Variants in LRFN5 observed in about 807,000 individuals in gnomAD.
LRFN5 encodes the protein leucine rich repeat and fibronectin type III domain containing 5.
In LRFN5, 24 loss-of-function variants were observed where a neutral mutation model predicts 45.6. The observed-to-expected ratio is 0.53, with a 90% CI of 0.38 to 0.74. The LOEUF is 0.74. Among genes scored for constraint, LRFN5 ranks in the 30% least tolerant of loss-of-function variants. The pLI, the probability that LRFN5 is intolerant of heterozygous loss-of-function variation, is 0.00. For missense variants in LRFN5, 776 were observed against 861.5 expected (o/e 0.90, Z 1.24); for synonymous variants, 340 against 313.8 (o/e 1.08, Z -0.88).
chr14:41,807,389 T>C (rs529970440), intron 2 of LRFN5, among the ~76,000 whole-genome samples: 28 of 152,242 alleles, frequency 1.8e-4, no homozygotes, highest in Middle Eastern at 6.8e-3. Context: ...GCAGATGATA[T>C]GTTATCAGAA....
intron 4 of LRFN5, chr14:41,893,369 A>AG (rs59088832): frequency 0.81 from 790,113 of 981,296 alleles, 318,876 homozygotes; most frequent in East Asian, 0.96. Flanking sequence ...ATCTATAAAC[A>AG]GTTACCATCA....
chr14:41,690,226 C>T (rs973506979), intron 1 of LRFN5, among the ~76,000 whole-genome samples: 30 of 152,038 alleles, frequency 2.0e-4, no homozygotes, highest in Non-Finnish European at 3.7e-4. Flanking sequence ...AAAAAAAGGC[C>T]ATCTCAATAA....
At chr14:41,718,895 G>A (rs907105590) in intron 1 of LRFN5, among the ~76,000 whole-genome samples, 4 of 151,796 alleles carry the variant, frequency 2.6e-5, no homozygotes, top group Non-Finnish European at 5.9e-5. Context: ...GTTAGAAAGA[G>A]GCATTTGCCA....
chr14:41,754,205 G>A (rs1296947534), intron 1 of LRFN5, among the ~76,000 whole-genome samples: 1 of 152,104 alleles, frequency 6.6e-6, no homozygotes, highest in African/African-American at 2.4e-5. Context: ...TGTTCATCGG[G>A]GATATTGGTC....
At chr14:41,750,815 T>A (rs1885099823) in intron 1 of LRFN5, among the ~76,000 whole-genome samples, 1 of 152,160 alleles carries the variant, frequency 6.6e-6, no homozygotes, top group South Asian at 2.1e-4. Context: ...CAGGGGAAAC[T>A]GCCACTTTTT....
chr14:41,877,132 C>T (rs1313575846), intron 2 of LRFN5, among the ~76,000 whole-genome samples: 1 of 152,086 alleles, frequency 6.6e-6, no homozygotes, highest in Non-Finnish European at 1.5e-5. Flanking sequence ...CTTAAAACTG[C>T]CTTTTGTTTA....
Position 41,890,280 on chromosome 14 carries a change from G to A in LRFN5, c.1386-970G>A, listed in dbSNP as rs76499065. Among the ~76,000 whole-genome samples the A allele has an allele frequency of 7.0e-3, 1,063 of 152,190 alleles. 17 individuals carry two copies. The highest frequency in any genetic ancestry group is 0.024 in the African/African-American group (1,011 of 41,516). ...CAACGGGATGAGGGATTTATGCTCT[G>A]GTCAATAGCCTTGCCTTGTTCATGT... is the stretch of plus-strand genomic sequence containing the variant. On this transcript the variant is annotated intron_variant, in intron 3 of 5. Coordinates refer to ENST00000298119, the MANE Select transcript of LRFN5 (RefSeq NM_152447.5).
At chr14:41,781,616 G>GAAAGAAAGAA (rs1317274535) in intron 2 of LRFN5, among the ~76,000 whole-genome samples, 1 of 59,638 alleles carries the variant, frequency 1.7e-5, no homozygotes, top group African/African-American at 8.9e-5. Context: ...AAGAAAGAAA[G>GAAAGAAAGAA]AGAAAGAAAG....
At chr14:41,739,578 G>A (rs944576262) in intron 1 of LRFN5, among the ~76,000 whole-genome samples, 2 of 151,498 alleles carry the variant, frequency 1.3e-5, no homozygotes, top group African/African-American at 4.8e-5. Context: ...ATCCTTAGAG[G>A]GAATTTTATA....
chr14:41,624,747 AG>A, intron 1 of LRFN5, among the ~76,000 whole-genome samples: 1 of 152,304 alleles, frequency 6.6e-6, no homozygotes, highest in Non-Finnish European at 1.5e-5. Flanking sequence ...AAAACAAAGA[AG>A]CAAAAGTTCT....
chr14:41,883,896 T>C (rs952684387), intron 2 of LRFN5, among the ~76,000 whole-genome samples: 2 of 152,212 alleles, frequency 1.3e-5, no homozygotes, highest in Non-Finnish European at 2.9e-5. Context: ...ATTCTTCTGA[T>C]ATTGCAATTA....
At chr14:41,646,038 T>A (rs1264575923) in intron 1 of LRFN5, among the ~76,000 whole-genome samples, 3 of 152,190 alleles carry the variant, frequency 2.0e-5, no homozygotes, top group African/African-American at 7.2e-5. Flanking sequence ...TACAGTGGTG[T>A]TTCAATATAT....
At chr14:41,879,987 A>T (rs1164750593) in intron 2 of LRFN5, among the ~76,000 whole-genome samples, 1 of 131,820 alleles carries the variant, frequency 7.6e-6, no homozygotes, top group Non-Finnish European at 1.5e-5. Context: ...CAGTGGCAAG[A>T]TCTAATGTCG....
chr14:41,684,948 CTA>C (rs1335684990), intron 1 of LRFN5, among the ~76,000 whole-genome samples: 3 of 152,076 alleles, frequency 2.0e-5, no homozygotes, highest in African/African-American at 4.8e-5. Context: ...CCAAAGGACT[CTA>C]TAGGAAAATA....
At chr14:41,670,304 T>TACAC (rs775595662) in intron 1 of LRFN5, among the ~76,000 whole-genome samples, 4 of 18,780 alleles carry the variant, frequency 2.1e-4, no homozygotes, top group Non-Finnish European at 3.7e-4. Flanking sequence ...TATATATATA[T>TACAC]ACACACACAC....
intron 1 of LRFN5, among the ~76,000 whole-genome samples, chr14:41,746,591 A>G (rs954867195): frequency 6.6e-6 from 1 of 152,094 alleles, no homozygotes; most frequent in East Asian, 1.9e-4. Flanking sequence ...ACCTTTTCCT[A>G]TACCTCTTTG....
chr14:41,629,864 G>GT (rs1214537081), intron 1 of LRFN5, among the ~76,000 whole-genome samples: 1 of 152,038 alleles, frequency 6.6e-6, no homozygotes, highest in Non-Finnish European at 1.5e-5. Flanking sequence ...TTGAGAAGTT[G>GT]TTTTTTCTGA....
intron 1 of LRFN5, among the ~76,000 whole-genome samples, chr14:41,696,674 A>G (rs1165447139): frequency 2.7e-5 from 4 of 150,514 alleles, no homozygotes; most frequent in Admixed American, 6.6e-5. Context: ...TAACTAACTT[A>G]TATTCCCACT....
At chr14:41,733,743 T>G (rs1884281607) in intron 1 of LRFN5, 1 of 151,920 alleles carries the variant, frequency 6.6e-6, no homozygotes, top group Non-Finnish European at 1.5e-5. Context: ...GCAATTACTC[T>G]AAAAGCTAAT....
Sources: allele counts gnomAD v4.1 joint callset (sites outside exome capture counted in the v4.1 genomes callset), GRCh38; gene constraint gnomAD v4.1.1; transcripts MANE v1.5; gene names NCBI Gene and HGNC (gene_info 2026-07-23, HGNC 2026-07-21).